RAI14: variants seen among roughly 807,000 people sequenced by gnomAD.
RAI14 encodes retinoic acid induced 14, also known as ankycorbin.
RAI14 carries 45 observed loss-of-function variants against 115.4 expected under a neutral mutation model. That is an observed-to-expected ratio of 0.39 (90% CI 0.31 to 0.50). The LOEUF is 0.50. RAI14 is among the 20% of genes least tolerant of loss of function. The pLI is 0.85. For synonymous variants in RAI14, 371 were observed against 415.4 expected (o/e 0.89, Z 1.30); for missense variants, 939 against 1,131.2 (o/e 0.83, Z 2.44).
intron 1 of RAI14, among the ~76,000 whole-genome samples, chr5:34,678,993 C>T (rs1235682636): frequency 2.0e-5 from 3 of 152,206 alleles, no homozygotes; most frequent in Admixed American, 2.0e-4. Flanking sequence ...AGGCTGATAA[C>T]AACACAACAG....
At position 34,700,522 on chromosome 5, in the gene RAI14, T is replaced by A. The variant is rs1739937547; in HGVS notation, c.36+13567T>A. Among the ~76,000 whole-genome samples, 3 of 152,336 alleles carry A rather than the reference T, an allele frequency of 2.0e-5. No homozygotes were observed. The South Asian group carries it at 6.2e-4, about 32-fold the overall frequency. ...CCCAGTTCCTACACTAGTCATTGTGTTGAATGAATGAGTGACTAAATGTAA... is the reference window on the plus strand; with the variant it reads ...CCCAGTTCCTACACTAGTCATTGTGATGAATGAATGAGTGACTAAATGTAA... On this transcript the variant is annotated intron_variant, in intron 2 of 17. Transcript: ENST00000265109.
At chr5:34,744,487 G>A (rs1227306289) in intron 2 of RAI14, among the ~76,000 whole-genome samples, 4 of 151,988 alleles carry the variant, frequency 2.6e-5, no homozygotes, top group African/African-American at 4.8e-5. Context: ...TCTCTCCCTC[G>A]CCCCAGTGAC....
chr5:34,763,148 T>TG (rs1336432263), intron 3 of RAI14, among the ~76,000 whole-genome samples: 3 of 152,188 alleles, frequency 2.0e-5, no homozygotes, highest in African/African-American at 7.2e-5. Flanking sequence ...CTCTGGCTGG[T>TG]GGTTTGTTGC....
At chr5:34,801,585 A>T (rs550042431) in intron 4 of RAI14, among the ~76,000 whole-genome samples, 1 of 152,274 alleles carries the variant, frequency 6.6e-6, no homozygotes, top group South Asian at 2.1e-4. Context: ...CTACTAAAAT[A>T]CAAAAATTAG....
rs1053775224 is a variant in RAI14, at chr5:34,782,480, C to T, written c.168-13459C>T. 1.1e-4 allele frequency among the ~76,000 whole-genome samples: 16 copies of T among 152,326 alleles called. No individual in the cohort carries two copies. The South Asian group carries it at 3.1e-3, about 30-fold the overall frequency. ...GCTCCTAATGTGTCTGCAGCTCCTT[C>T]AAGCACTCCAGTTCCTGGCATTAAG... On this transcript the variant is annotated intron_variant, in intron 3 of 17. Transcript: ENST00000265109.
chr5:34,662,676 A>G (rs941290553), intron 1 of RAI14, among the ~76,000 whole-genome samples: 2 of 151,824 alleles, frequency 1.3e-5, no homozygotes, highest in Non-Finnish European at 1.5e-5. Context: ...AATCATAAAC[A>G]TAGAATTATA....
intron 3 of RAI14, 48 bp from the exon 4 acceptor site, chr5:34,795,891 A>T (rs372873948): frequency 1.3e-6 from 2 of 1,508,880 alleles, no homozygotes; most frequent in Non-Finnish European, 1.8e-6. Context: ...GGAGATGAAC[A>T]TTAAAGAGTA....
chr5:34,735,095 C>T (rs539543265), intron 2 of RAI14, among the ~76,000 whole-genome samples: 1 of 152,288 alleles, frequency 6.6e-6, no homozygotes, highest in East Asian at 1.9e-4. Context: ...AATGTTGATG[C>T]AGCTCTTTAT....
intron 2 of RAI14, among the ~76,000 whole-genome samples, chr5:34,727,686 C>G (rs976986688): frequency 3.9e-5 from 6 of 152,212 alleles, no homozygotes; most frequent in Non-Finnish European, 8.8e-5. Flanking sequence ...GTGCAAGCCT[C>G]AAGCCTTGGC....
chr5:34,695,243 G>A (rs192374933), intron 2 of RAI14, among the ~76,000 whole-genome samples: 1 of 152,208 alleles, frequency 6.6e-6, no homozygotes, highest in East Asian at 1.9e-4. Context: ...GAAGCTGCAG[G>A]GTCCTTCTGT....
intron 2 of RAI14, among the ~76,000 whole-genome samples, chr5:34,707,825 G>C (rs979023297): frequency 1.3e-5 from 2 of 152,140 alleles, no homozygotes; most frequent in African/African-American, 4.8e-5. Flanking sequence ...CCTTGAAATA[G>C]ACAGTTATTT....
chr5:34,810,199 T>C (rs1284305255), intron 7 of RAI14, among the ~76,000 whole-genome samples: 1 of 152,202 alleles, frequency 6.6e-6, no homozygotes, highest in East Asian at 1.9e-4. Context: ...ATTGAATGCT[T>C]CTACCTTAAA....
chr5:34,728,338 G>T (rs1743741287), intron 2 of RAI14, among the ~76,000 whole-genome samples: 1 of 152,130 alleles, frequency 6.6e-6, no homozygotes, highest in South Asian at 2.1e-4. Flanking sequence ...AGGCATGATT[G>T]GTTTTGAAAT....
intron 1 of RAI14, among the ~76,000 whole-genome samples, chr5:34,661,892 C>T (rs1179624684): frequency 2.0e-5 from 3 of 152,142 alleles, no homozygotes; most frequent in Non-Finnish European, 4.4e-5. Flanking sequence ...CTCAAGTGAT[C>T]CTCCCACCTC....
chr5:34,704,519 G>A (rs116341456), intron 2 of RAI14, among the ~76,000 whole-genome samples: 6 of 152,114 alleles, frequency 3.9e-5, no homozygotes, highest in Non-Finnish European at 8.8e-5. Flanking sequence ...ACCCGCTGAC[G>A]TTCTGTTTCC....
intron 2 of RAI14, 72 bp from the exon 3 acceptor site, chr5:34,757,396 C>G (rs1748030855): frequency 6.5e-7 from 1 of 1,539,958 alleles, no homozygotes; most frequent in Non-Finnish European, 8.9e-7. Context: ...GCTGCGAGGA[C>G]TGCAGCCCTG....
intron 3 of RAI14, among the ~76,000 whole-genome samples, chr5:34,782,676 C>T (rs1043726096): frequency 6.6e-6 from 1 of 152,152 alleles, no homozygotes; most frequent in African/African-American, 2.4e-5. Context: ...CTACAGTGGG[C>T]CATATCATTT....
At chr5:34,660,652 G>A (rs1334221960) in intron 1 of RAI14, among the ~76,000 whole-genome samples, 2 of 152,128 alleles carry the variant, frequency 1.3e-5, no homozygotes, top group African/African-American at 4.8e-5. Flanking sequence ...CCTGTTCTAA[G>A]AGTCTGTGAA....
chr5:34,659,467 T>C (rs1742529349), intron 1 of RAI14, among the ~76,000 whole-genome samples: 1 of 152,102 alleles, frequency 6.6e-6, no homozygotes, highest in South Asian at 2.1e-4. Flanking sequence ...AGGGTCTTAC[T>C]ATGTTGCTCA....
Sources: gnomAD v4.1 joint callset for allele counts (sites outside exome capture counted in the v4.1 genomes callset) on GRCh38, gnomAD v4.1.1 for gene constraint, MANE v1.5 for transcripts, NCBI Gene and HGNC (gene_info 2026-07-23, HGNC 2026-07-21) for gene names.